Variants in CNTNAP4 observed in about 807,000 individuals in gnomAD.
The protein encoded by CNTNAP4 is contactin-associated protein-like 4.
CNTNAP4 carries 98 observed loss-of-function variants against 148.4 expected under a neutral mutation model. The ratio of observed to expected loss-of-function variants is 0.66; its 90% CI spans 0.56 to 0.78. The LOEUF (loss-of-function observed/expected upper bound fraction) is 0.78. Ranked by LOEUF, CNTNAP4 falls within the 30% of genes least tolerant of loss-of-function variation. The pLI, the probability that CNTNAP4 is intolerant of heterozygous loss-of-function variation, is 0.00. For missense variants in CNTNAP4, 1,935 were observed against 1,565.6 expected, an observed-to-expected ratio of 1.24 and a Z score of -3.98; for synonymous variants, 730 against 565.1, an observed-to-expected ratio of 1.29 and a Z score of -4.14.
intron 11 of CNTNAP4, 114 bp from the exon 12 acceptor site, chr16:76,479,305 C>T (rs1040491627): frequency 2.4e-6 from 2 of 844,980 alleles, no homozygotes; most frequent in Non-Finnish European, 3.4e-6. Context: ...TGCCTTTTCT[C>T]CTGGTCAGTA....
chr16:76,454,786 C>G (rs1434052998), intron 8 of CNTNAP4, among the ~76,000 whole-genome samples: 1 of 152,118 alleles, frequency 6.6e-6, no homozygotes, highest in Non-Finnish European at 1.5e-5. Context: ...TAATGACTTT[C>G]AAGAGAACCA....
At chr16:76,450,724 T>C (rs1467420306) in intron 7 of CNTNAP4, among the ~76,000 whole-genome samples, 2 of 152,212 alleles carry the variant, frequency 1.3e-5, no homozygotes, top group Non-Finnish European at 2.9e-5. Flanking sequence ...ATGGCAATGT[T>C]GGTCAGACTG....
At chr16:76,316,570 G>A (rs1219909439) in intron 2 of CNTNAP4, 47 bp downstream of exon 2, 1 of 1,241,302 alleles carries the variant, frequency 8.1e-7, no homozygotes, top group Admixed American at 1.7e-5. Context: ...AATCTCACTA[G>A]TTTTTCATTA....
chr16:76,371,439 C>T (rs908862798), intron 3 of CNTNAP4, among the ~76,000 whole-genome samples: 5 of 152,116 alleles, frequency 3.3e-5, no homozygotes, highest in Non-Finnish European at 7.4e-5. Context: ...GTGCGTGCCT[C>T]CCGCCTGGCT....
At chr16:76,317,001 C>G (rs1421884411) in intron 2 of CNTNAP4, among the ~76,000 whole-genome samples, 1 of 152,014 alleles carries the variant, frequency 6.6e-6, no homozygotes, top group Admixed American at 6.6e-5. Flanking sequence ...TGTGGTGGTT[C>G]ATGCCTATAA....
chr16:76,467,644 G>A (rs1276654167), intron 10 of CNTNAP4, 121 bp downstream of exon 10: 6 of 829,778 alleles, frequency 7.2e-6, no homozygotes, highest in Non-Finnish European at 1.1e-5. Context: ...CACAGGAAAT[G>A]AATTATATTT....
chr16:76,292,493 A>G (rs1246084152), intron 1 of CNTNAP4, among the ~76,000 whole-genome samples: 1 of 151,986 alleles, frequency 6.6e-6, no homozygotes. Flanking sequence ...AATCTTCCCT[A>G]CATGTGTTCC....
At chr16:76,410,326 A>T (rs1008277894) in intron 3 of CNTNAP4, among the ~76,000 whole-genome samples, 1 of 151,818 alleles carries the variant, frequency 6.6e-6, no homozygotes, top group Non-Finnish European at 1.5e-5. Context: ...AGTAGAAGAA[A>T]TATTTCCCAA....
intron 2 of CNTNAP4, among the ~76,000 whole-genome samples, chr16:76,316,949 CATA>C (rs1961823381): frequency 1.3e-5 from 2 of 151,964 alleles, no homozygotes; most frequent in South Asian, 2.1e-4. Flanking sequence ...AGAATAGGAA[CATA>C]ATAAGATTTT....
intron 2 of CNTNAP4, among the ~76,000 whole-genome samples, chr16:76,321,897 T>G (rs145542276): frequency 2.0e-5 from 3 of 152,214 alleles, no homozygotes; most frequent in Non-Finnish European, 4.4e-5. Flanking sequence ...ATATAACTTT[T>G]GTACAGGATT....
chr16:76,427,877 C>A (rs986172674), intron 4 of CNTNAP4, among the ~76,000 whole-genome samples: 3 of 152,088 alleles, frequency 2.0e-5, no homozygotes, highest in Non-Finnish European at 4.4e-5. Context: ...ATATTATTGA[C>A]TATGTTGTAA....
intron 13 of CNTNAP4, among the ~76,000 whole-genome samples, chr16:76,493,173 T>G (rs770188897): frequency 5.3e-5 from 8 of 152,048 alleles, no homozygotes; most frequent in Non-Finnish European, 1.2e-4. Flanking sequence ...CAATAAGAAA[T>G]ATAATGGGGT....
At chr16:76,494,173 G>C in intron 13 of CNTNAP4, among the ~76,000 whole-genome samples, 1 of 151,426 alleles carries the variant, frequency 6.6e-6, no homozygotes, top group Admixed American at 6.6e-5. Context: ...CCTTGCTCTA[G>C]TTACTTGGCA....
intron 3 of CNTNAP4, among the ~76,000 whole-genome samples, chr16:76,422,333 A>G (rs1358648853): frequency 2.7e-5 from 4 of 147,766 alleles, no homozygotes; most frequent in African/African-American, 1.0e-4. Context: ...TTTATATGCA[A>G]GAGTCTTATT....
At chr16:76,446,917 C>T (rs965038997) in intron 4 of CNTNAP4, among the ~76,000 whole-genome samples, 1 of 152,072 alleles carries the variant, frequency 6.6e-6, no homozygotes, top group Non-Finnish European at 1.5e-5. Flanking sequence ...ATTCCAAGAA[C>T]TCCATTAAAA....
At chr16:76,462,163 G>A (rs141921575) in intron 9 of CNTNAP4, 58 bp downstream of exon 9, 185 of 1,439,896 alleles carry the variant, frequency 1.3e-4, no homozygotes, top group Middle Eastern at 2.2e-4. Context: ...TAGTGCCCCC[G>A]TGTCTTGGCG....
chr16:76,448,836 A>C lies in CNTNAP4; in HGVS notation c.812A>C (p.His271Pro), dbSNP rs767502042. Residue 271 changes from histidine (H) to proline (P), a missense_variant, in exon 6 of 24, where the codon CAT (histidine) becomes CCT (proline). Physicochemically the swap from His to Pro is moderately conservative, Grantham distance 77. Transcript: ENST00000611870. ...CTGGGCAGCCTGCTAGATGATCAGC[A>C]TTGGCATTCAGTGCTCATCCAGCGT... is the stretch of plus-strand genomic sequence containing the variant. ...LTLGSLLDDQ[H>P]WHSVLIQRLG... The C allele has an allele frequency of 6.2e-7, 1 of 1,612,978 alleles. No homozygotes were observed. Among genetic ancestry groups the C allele is most frequent in the Non-Finnish European group, 8.5e-7 (1 of 1,179,538 alleles).
chr16:76,528,083 A>T (rs2083817442), intron 17 of CNTNAP4, among the ~76,000 whole-genome samples: 1 of 152,178 alleles, frequency 6.6e-6, no homozygotes, highest in South Asian at 2.1e-4. Flanking sequence ...TAAATATGAA[A>T]TGTTAGAAAT....
At chr16:76,463,513 T>C (rs1315557819) in intron 9 of CNTNAP4, among the ~76,000 whole-genome samples, 1 of 152,204 alleles carries the variant, frequency 6.6e-6, no homozygotes, top group Non-Finnish European at 1.5e-5. Context: ...ATTTTGCTTG[T>C]TTTTATTATG....
Sources: allele counts gnomAD v4.1 joint callset (sites outside exome capture counted in the v4.1 genomes callset), GRCh38; gene constraint gnomAD v4.1.1; transcripts MANE v1.5; gene names NCBI Gene and HGNC (gene_info 2026-07-23, HGNC 2026-07-21).